RASSF3: variants seen among roughly 807,000 people sequenced by gnomAD.
The protein encoded by RASSF3 is ras association domain-containing protein 3.
Under a neutral mutation model 19.9 loss-of-function variants are expected in RASSF3, and 19 were observed. The observed-to-expected ratio is 0.96, with a 90% confidence interval of 0.67 to 1.40. RASSF3 has a LOEUF of 1.40. Among genes scored for constraint, RASSF3 ranks in the 40% most tolerant of loss-of-function variants. The pLI is 0.00. For synonymous variants in RASSF3, 110 were observed against 104.2 expected, an observed-to-expected ratio of 1.06 and a Z score of -0.34; for missense variants, 306 against 289.8, an observed-to-expected ratio of 1.06 and a Z score of -0.41.
chr12:64,674,252 G>C (rs1018614300), intron 1 of RASSF3, among the ~76,000 whole-genome samples: 1 of 152,162 alleles, frequency 6.6e-6, no homozygotes, highest in Non-Finnish European at 1.5e-5. Flanking sequence ...TTTGAGAAGA[G>C]AGCAAAAAGC....
intron 1 of RASSF3, among the ~76,000 whole-genome samples, chr12:64,534,304 C>A (rs1367944337): frequency 6.6e-6 from 1 of 151,810 alleles, no homozygotes; most frequent in Non-Finnish European, 1.5e-5. Flanking sequence ...CATAGGGAGA[C>A]CCCATTTCTA....
intron 1 of RASSF3, among the ~76,000 whole-genome samples, chr12:64,634,621 C>T (rs934558542): frequency 3.9e-5 from 6 of 151,924 alleles, no homozygotes; most frequent in African/African-American, 1.2e-4. Context: ...TCTAGCCCTG[C>T]GTGGTGACAG....
At chr12:64,597,427 G>A (rs940801706) in intron 2 of RASSF3, among the ~76,000 whole-genome samples, 10 of 150,830 alleles carry the variant, frequency 6.6e-5, no homozygotes, top group African/African-American at 2.2e-4. Flanking sequence ...CATGGCACCC[G>A]GCCTATTTTA....
chr12:64,589,906 G>A (rs1488694136), intron 2 of RASSF3, among the ~76,000 whole-genome samples: 1 of 151,580 alleles, frequency 6.6e-6, no homozygotes, highest in Admixed American at 6.6e-5. Flanking sequence ...GGATGCTGAG[G>A]CAGGAGAATG....
At chr12:64,669,207 T>A (rs1291472114) in intron 1 of RASSF3, among the ~76,000 whole-genome samples, 2 of 152,220 alleles carry the variant, frequency 1.3e-5, no homozygotes, top group African/African-American at 4.8e-5. Flanking sequence ...GTTTCTGTTT[T>A]GTTAGGCACA....
intron 2 of RASSF3, among the ~76,000 whole-genome samples, chr12:64,597,262 A>T (rs1870012589): frequency 1.3e-5 from 2 of 148,482 alleles, no homozygotes; most frequent in Admixed American, 1.3e-4. Flanking sequence ...CCCCTCGAGT[A>T]GCTGGGATTG....
At chr12:64,630,544 A>T (rs1026240758) in intron 1 of RASSF3, among the ~76,000 whole-genome samples, 2 of 152,150 alleles carry the variant, frequency 1.3e-5, no homozygotes, top group Non-Finnish European at 2.9e-5. Context: ...AACGAAATTT[A>T]AAAAAAGGGT....
chr12:64,674,652 T>C (rs928065085), intron 1 of RASSF3, among the ~76,000 whole-genome samples: 34 of 152,120 alleles, frequency 2.2e-4, no homozygotes, highest in Non-Finnish European at 1.3e-4. Context: ...CAACAAGGCA[T>C]AGAAGGTGTT....
intron 1 of RASSF3, among the ~76,000 whole-genome samples, chr12:64,673,397 T>C (rs575148385): frequency 1.3e-5 from 2 of 152,226 alleles, no homozygotes; most frequent in Non-Finnish European, 2.9e-5. Flanking sequence ...GAACTTACTT[T>C]GTATTTATTG....
At chr12:64,549,662 G>A (rs536980974) in intron 2 of RASSF3, among the ~76,000 whole-genome samples, 35 of 152,256 alleles carry the variant, frequency 2.3e-4, no homozygotes, top group African/African-American at 7.9e-4. Flanking sequence ...CCTCCTGTGG[G>A]GGGTGTTGAC....
At chr12:64,554,524 C>T (rs1347572255) in intron 2 of RASSF3, among the ~76,000 whole-genome samples, 3 of 152,086 alleles carry the variant, frequency 2.0e-5, no homozygotes, top group Admixed American at 1.3e-4. Flanking sequence ...AGGCTGGTCT[C>T]GAACTCCTGA....
In RASSF3 at chr12:64,555,650, GA is replaced by G. The variant is rs1454971792; in HGVS notation, c.294+13946del. Among the ~76,000 whole-genome samples, 53 of 152,122 alleles carry G rather than the reference GA, an allele frequency of 3.5e-4. 1 individual carries two copies. Among genetic ancestry groups the G allele is most frequent in the Admixed American group, 2.7e-3 (41 of 15,270 alleles). ...TATAGTCCCAGCTACTCGGGAGGCT[GA>G]GGCAGGAGAATGGTGTAAAGCCAGG... is the stretch of plus-strand genomic sequence containing the variant. On this transcript the variant is annotated intron_variant, in intron 2 of 5. Transcript: ENST00000637125.
intron 1 of RASSF3, among the ~76,000 whole-genome samples, chr12:64,624,825 A>ATT: frequency 7.2e-6 from 1 of 139,334 alleles, no homozygotes; most frequent in Non-Finnish European, 1.6e-5. Flanking sequence ...CCCCCGGGTA[A>ATT]TTTTTTTTTT....
At chr12:64,564,771 GTGTTTTT>G (rs71998159) in intron 2 of RASSF3, among the ~76,000 whole-genome samples, 73,961 of 148,844 alleles carry the variant, frequency 0.5, 20,855 homozygotes, top group Non-Finnish European at 0.64. Context: ...CACTTTTTAG[GTGTTTTT>G]TGTTTTTTGT....
chr12:64,539,700 C>G (rs1437257109), intron 1 of RASSF3, among the ~76,000 whole-genome samples: 1 of 151,998 alleles, frequency 6.6e-6, no homozygotes, highest in African/African-American at 2.4e-5. Context: ...TGCTTAAACC[C>G]AGATGGTTGA....
At chr12:64,557,874 A>G (rs1219357954) in intron 2 of RASSF3, among the ~76,000 whole-genome samples, 1 of 151,794 alleles carries the variant, frequency 6.6e-6, no homozygotes, top group Non-Finnish European at 1.5e-5. Flanking sequence ...CCACTCCTGC[A>G]CCTCCTGTAT....
chr12:64,557,235 C>T (rs1426367743), intron 2 of RASSF3, among the ~76,000 whole-genome samples: 1 of 152,128 alleles, frequency 6.6e-6, no homozygotes, highest in Non-Finnish European at 1.5e-5. Flanking sequence ...TCCTAAGAGC[C>T]TGAGTTCCTG....
At chr12:64,623,632 T>C (rs1012668095) in intron 1 of RASSF3, among the ~76,000 whole-genome samples, 1 of 152,078 alleles carries the variant, frequency 6.6e-6, no homozygotes, top group African/African-American at 2.4e-5. Context: ...TTTCAGATAT[T>C]TCAGAATTTT....
Position 64,635,612 on chromosome 12 carries a change from A to G in RASSF3, c.111+24869A>G, listed in dbSNP as rs145011055. On this transcript the variant is annotated intron_variant, in intron 1 of 4. Coordinates refer to ENST00000542104, the MANE Select transcript of RASSF3 (RefSeq NM_178169.4). ...ATGTGGTACAGTTATTAGAAGAGGC[A>G]CAGAGAGGTTAAATAGTAGCTGGTA... Among the ~76,000 whole-genome samples, 552 of 152,346 alleles carry G rather than the reference A, an allele frequency of 3.6e-3. 6 individuals are homozygous for G. The highest frequency in any genetic ancestry group is 2.5e-3 in the Non-Finnish European group (169 of 68,032).
Sources: gnomAD v4.1 joint callset for allele counts (sites outside exome capture counted in the v4.1 genomes callset) on GRCh38, gnomAD v4.1.1 for gene constraint, MANE v1.5 for transcripts, NCBI Gene and HGNC (gene_info 2026-07-23, HGNC 2026-07-21) for gene names.